Variants in TNR observed in about 807,000 individuals in gnomAD.
TNR encodes the protein tenascin-R.
A neutral mutation model predicts 150.4 loss-of-function variants in TNR; 45 were observed. The observed-to-expected ratio is 0.30, with a 90% CI of 0.24 to 0.38. The LOEUF (loss-of-function observed/expected upper bound fraction) is 0.38. TNR is among the 10% of genes least tolerant of loss of function. The pLI, the probability that TNR is intolerant of heterozygous loss-of-function variation, is 1.00. For synonymous variants in TNR, 687 were observed against 678.4 expected, an observed-to-expected ratio of 1.01 and a Z score of -0.20; for missense variants, 1,544 against 1,759.1, an observed-to-expected ratio of 0.88 and a Z score of 2.19.
intron 1 of TNR, among the ~76,000 whole-genome samples, chr1:175,687,262 G>A (rs934360913): frequency 1.6e-4 from 24 of 152,072 alleles, no homozygotes; most frequent in African/African-American, 5.6e-4. Context: ...CCACTGACAA[G>A]CACCATCTCA....
chr1:175,482,220 A>G (rs859417), intron 2 of TNR, among the ~76,000 whole-genome samples: 53,420 of 152,168 alleles, frequency 0.35, 11,668 homozygotes, highest in African/African-American at 0.63. Context: ...GTGGTGATCC[A>G]AATCAGCTTC....
intron 2 of TNR, among the ~76,000 whole-genome samples, chr1:175,515,817 G>T (rs1659382893): frequency 6.6e-6 from 1 of 152,204 alleles, no homozygotes; most frequent in African/African-American, 2.4e-5. Context: ...AGGCATGGAT[G>T]CTCTTTTTAA....
At chr1:175,393,560 G>A (rs1249206329) in intron 6 of TNR, among the ~76,000 whole-genome samples, 1 of 152,184 alleles carries the variant, frequency 6.6e-6, no homozygotes, top group East Asian at 1.9e-4. Context: ...GTTCTGCAAG[G>A]CCAGGGTGCC....
At chr1:175,613,356 A>G (rs1663658932) in intron 1 of TNR, among the ~76,000 whole-genome samples, 1 of 152,166 alleles carries the variant, frequency 6.6e-6, no homozygotes, top group South Asian at 2.1e-4. Flanking sequence ...GAGCCAGTCA[A>G]CATCACATTG....
intron 18 of TNR, among the ~76,000 whole-genome samples, chr1:175,345,311 G>A (rs931067840): frequency 2.6e-5 from 4 of 152,046 alleles, no homozygotes; most frequent in Admixed American, 1.3e-4. Flanking sequence ...CAGAGGAGCC[G>A]ATAACCCCAA....
At chr1:175,473,030 G>A (rs1243552998) in intron 2 of TNR, among the ~76,000 whole-genome samples, 2 of 152,232 alleles carry the variant, frequency 1.3e-5, no homozygotes, top group Non-Finnish European at 2.9e-5. Flanking sequence ...AGAGGTGGCT[G>A]CTTTAAAATA....
intron 1 of TNR, among the ~76,000 whole-genome samples, chr1:175,728,698 A>G (rs955839166): frequency 6.6e-6 from 1 of 152,240 alleles, no homozygotes; most frequent in Non-Finnish European, 1.5e-5. Flanking sequence ...GTAGGACAGC[A>G]ACTGGCTGCA....
intron 1 of TNR, among the ~76,000 whole-genome samples, chr1:175,646,013 T>C (rs1485447091): frequency 6.6e-6 from 1 of 152,210 alleles, no homozygotes; most frequent in Non-Finnish European, 1.5e-5. Context: ...ACAAAGATAA[T>C]TTTTTCCTAA....
chr1:175,694,633 C>T (rs528192893), intron 1 of TNR, among the ~76,000 whole-genome samples: 2 of 152,284 alleles, frequency 1.3e-5, no homozygotes, highest in East Asian at 3.9e-4. Flanking sequence ...AATCCTACCC[C>T]GCCCAGTACT....
intron 1 of TNR, among the ~76,000 whole-genome samples, chr1:175,641,525 T>C (rs1192808906): frequency 6.6e-6 from 1 of 152,192 alleles, no homozygotes; most frequent in African/African-American, 2.4e-5. Context: ...GAAGGTACAA[T>C]GGGATGGAAT....
chr1:175,635,073 G>A (rs1004674720), intron 1 of TNR, among the ~76,000 whole-genome samples: 1 of 152,178 alleles, frequency 6.6e-6, no homozygotes, highest in African/African-American at 2.4e-5. Context: ...TTGTTAGACA[G>A]TTAATAAGGT....
At chr1:175,519,575 C>G (rs1311609143) in intron 2 of TNR, among the ~76,000 whole-genome samples, 1 of 152,216 alleles carries the variant, frequency 6.6e-6, no homozygotes, top group Non-Finnish European at 1.5e-5. Context: ...TGGAGAGATG[C>G]ATCTGCTCTT....
intron 1 of TNR, among the ~76,000 whole-genome samples, chr1:175,719,190 A>C (rs1571786629): frequency 6.6e-6 from 1 of 152,190 alleles, no homozygotes; most frequent in East Asian, 1.9e-4. Context: ...GATATGGAGT[A>C]CCCCAAGCCT....
chr1:175,709,924 G>A (rs952981077), intron 1 of TNR, among the ~76,000 whole-genome samples: 1 of 152,000 alleles, frequency 6.6e-6, no homozygotes, highest in Non-Finnish European at 1.5e-5. Context: ...TCACTCTAAT[G>A]CAAAGTGAGG....
chr1:175,729,275 G>A (rs886421068), intron 1 of TNR, among the ~76,000 whole-genome samples: 3 of 152,150 alleles, frequency 2.0e-5, no homozygotes, highest in Admixed American at 6.5e-5. Flanking sequence ...TTTTCCTGGA[G>A]TGGAGCCCCT....
At chr1:175,410,563 C>A (rs1009413531) in intron 2 of TNR, among the ~76,000 whole-genome samples, 1 of 152,176 alleles carries the variant, frequency 6.6e-6, no homozygotes, top group African/African-American at 2.4e-5. Flanking sequence ...GTGTCGTTTG[C>A]CAAATATTTC....
chr1:175,480,419 A>AGAAAGAAAGAAAGAAAG (rs373622666), intron 2 of TNR, among the ~76,000 whole-genome samples: 20 of 110,934 alleles, frequency 1.8e-4, no homozygotes, highest in African/African-American at 5.4e-4. Flanking sequence ...AAAGAAAGAA[A>AGAAAGAAAGAAAGAAAG]AAAGAAAGAA....
At chr1:175,680,333 C>T (rs1204973078) in intron 1 of TNR, among the ~76,000 whole-genome samples, 4 of 151,962 alleles carry the variant, frequency 2.6e-5, no homozygotes, top group African/African-American at 9.7e-5. Flanking sequence ...CAGAGACAGA[C>T]AGAGATGCTC....
At chr1:175,671,950 T>TGTGTGTGTGTGTGTGTGTGTGTG (rs1491413157) in intron 1 of TNR, among the ~76,000 whole-genome samples, 1 of 137,962 alleles carries the variant, frequency 7.2e-6, no homozygotes, top group African/African-American at 2.6e-5. Flanking sequence ...TGTGTGTGTG[T>TGTGTGTGTGTGTGTGTGTGTGTG]TGGAGAGGGG....
Sources: gnomAD v4.1 joint callset for allele counts (sites outside exome capture counted in the v4.1 genomes callset) on GRCh38, gnomAD v4.1.1 for gene constraint, MANE v1.5 for transcripts, NCBI Gene and HGNC (gene_info 2026-07-23, HGNC 2026-07-21) for gene names.